TOP6BL: variants seen among roughly 807,000 people sequenced by gnomAD.
The protein encoded by TOP6BL is type 2 DNA topoisomerase 6 subunit B-like.
chr11:66,828,540 C>T, the TOP6BL span: 1 of 568,592 alleles, frequency 1.8e-6, no homozygotes, highest in Non-Finnish European at 3.1e-6. Context: ...ATGACTATCC[C>T]ACTGGTTGCC....
the TOP6BL span, among the ~76,000 whole-genome samples, chr11:66,765,688 A>G: frequency 2.0e-5 from 3 of 152,004 alleles, no homozygotes; most frequent in East Asian, 5.8e-4. Context: ...GCTAATTTTT[A>G]TATTTTTAGT....
the TOP6BL span, among the ~76,000 whole-genome samples, chr11:66,831,530 T>C: frequency 6.6e-6 from 1 of 152,190 alleles, no homozygotes; most frequent in African/African-American, 2.4e-5. Context: ...TGCACTTACA[T>C]ATAATTCTAT....
the TOP6BL span, among the ~76,000 whole-genome samples, chr11:66,838,786 C>T: frequency 6.6e-6 from 1 of 152,148 alleles, no homozygotes; most frequent in African/African-American, 2.4e-5. Context: ...GGCTGGAGTG[C>T]AGTGGCGCCA....
At chr11:66,842,845 C>A in the TOP6BL span, 3 of 1,560,302 alleles carry the variant, frequency 1.9e-6, no homozygotes, top group African/African-American at 1.4e-5. Context: ...TGTTTTTCTC[C>A]TAGATACCAG....
At chr11:66,835,737 A>G in the TOP6BL span, among the ~76,000 whole-genome samples, 4 of 152,194 alleles carry the variant, frequency 2.6e-5, no homozygotes, top group East Asian at 1.9e-4. Flanking sequence ...CCATATAACA[A>G]TTTCATCCAT....
At chr11:66,804,837 T>C in the TOP6BL span, among the ~76,000 whole-genome samples, 4 of 151,922 alleles carry the variant, frequency 2.6e-5, no homozygotes, top group African/African-American at 9.7e-5. Context: ...TTTGGGAGGC[T>C]GAGGCGGATG....
the TOP6BL span, chr11:66,828,453 C>A: frequency 1.1e-6 from 1 of 932,670 alleles, no homozygotes; most frequent in Non-Finnish European, 1.7e-6. Context: ...ACAAGTGTTT[C>A]AGACTGCATA....
the TOP6BL span, chr11:66,761,550 CTA>C: frequency 9.5e-7 from 1 of 1,048,792 alleles, no homozygotes; most frequent in Non-Finnish European, 1.3e-6. Flanking sequence ...TGCCATAAAA[CTA>C]TGGCTTTCAG....
chr11:66,759,136 C>A, the TOP6BL span: 1 of 1,282,796 alleles, frequency 7.8e-7, no homozygotes, highest in Non-Finnish European at 1.1e-6. Flanking sequence ...GAATATCTTC[C>A]CGACAATTAA....
chr11:66,761,692 C>T, the TOP6BL span: 37 of 903,216 alleles, frequency 4.1e-5, no homozygotes, highest in African/African-American at 2.5e-4. Context: ...CCCCTTGGTC[C>T]GCAAGGAAAT....
At chr11:66,808,298 G>A in the TOP6BL span, among the ~76,000 whole-genome samples, 23 of 152,304 alleles carry the variant, frequency 1.5e-4, 1 homozygote, top group South Asian at 4.6e-3. Context: ...ACTTTGGGAG[G>A]CTGAGGCAGG....
At chr11:66,796,624 A>T in the TOP6BL span, among the ~76,000 whole-genome samples, 2 of 151,924 alleles carry the variant, frequency 1.3e-5, no homozygotes, top group Non-Finnish European at 2.9e-5. Flanking sequence ...TACAAAAAAA[A>T]TTTTAAAAAT....
chr11:66,786,312 A>G, the TOP6BL span, among the ~76,000 whole-genome samples: 4 of 151,528 alleles, frequency 2.6e-5, no homozygotes, highest in Non-Finnish European at 5.9e-5. Context: ...AAAAAAAAAA[A>G]TTTCTGTTTT....
At chr11:66,746,008 A>G in the TOP6BL span, among the ~76,000 whole-genome samples, 1 of 152,066 alleles carries the variant, frequency 6.6e-6, no homozygotes, top group African/African-American at 2.4e-5. Flanking sequence ...ACAGGTTTTC[A>G]CCATGTTGGC....
chr11:66,805,470 T>C, the TOP6BL span, among the ~76,000 whole-genome samples: 178 of 151,800 alleles, frequency 1.2e-3, 1 homozygote, highest in Middle Eastern at 6.9e-3. Flanking sequence ...CTTTTTTGTT[T>C]TTTTTTTTGG....
the TOP6BL span, among the ~76,000 whole-genome samples, chr11:66,840,620 C>A: frequency 6.6e-6 from 1 of 152,194 alleles, no homozygotes; most frequent in Non-Finnish European, 1.5e-5. Context: ...TGCACCCTGT[C>A]TCCCTTTCTT....
chr11:66,748,357 C>T, the TOP6BL span: 1 of 1,504,586 alleles, frequency 6.6e-7, no homozygotes, highest in Non-Finnish European at 9.0e-7. Flanking sequence ...ATTATGTTTT[C>T]TTTGAATTGT....
the TOP6BL span, among the ~76,000 whole-genome samples, chr11:66,785,433 G>T: frequency 6.6e-6 from 1 of 152,062 alleles, no homozygotes; most frequent in African/African-American, 2.4e-5. Flanking sequence ...TGGTTGATGT[G>T]TATTATCGTT....
the TOP6BL span, among the ~76,000 whole-genome samples, chr11:66,812,904 A>G: frequency 1.3e-5 from 2 of 152,130 alleles, no homozygotes; most frequent in Admixed American, 1.3e-4. Flanking sequence ...AGGACTGCCC[A>G]CCGCAGTGAA....
Sources: gnomAD v4.1 joint callset for allele counts (sites outside exome capture counted in the v4.1 genomes callset) on GRCh38, gnomAD v4.1.1 for gene constraint, MANE v1.5 for transcripts, NCBI Gene and HGNC (gene_info 2026-07-23, HGNC 2026-07-21) for gene names.